GTF2I: variants seen among roughly 807,000 people sequenced by gnomAD.
The protein encoded by GTF2I is general transcription factor IIi, also known as general transcription factor II-I.
GTF2I carries 12 observed loss-of-function variants against 67.6 expected under a neutral mutation model. That is an observed-to-expected ratio of 0.18 (90% CI 0.11 to 0.29). The LOEUF (loss-of-function observed/expected upper bound fraction) is 0.29, where lower values mean the gene tolerates loss of function less well. Ranked by LOEUF, GTF2I falls within the 10% of genes least tolerant of loss-of-function variation. The pLI is 1.00. For synonymous variants in GTF2I, 149 were observed against 197.0 expected, an observed-to-expected ratio of 0.76 and a Z score of 2.04; for missense variants, 271 against 580.1, an observed-to-expected ratio of 0.47 and a Z score of 5.47.
intron 3 of GTF2I, among the ~76,000 whole-genome samples, chr7:74,698,594 C>A (rs1182927918): frequency 1.3e-5 from 2 of 151,708 alleles, no homozygotes; most frequent in African/African-American, 2.4e-5. Context: ...CATTTTTTTG[C>A]AGAGATGTGT....
At chr7:74,687,507 G>A (rs1787843106) in intron 1 of GTF2I, 10 of 969,746 alleles carry the variant, frequency 1.0e-5, no homozygotes, top group Middle Eastern at 5.2e-4. Flanking sequence ...ACAGGCGTGA[G>A]CCACCACGCC....
At chr7:74,723,310 G>A (rs1793292628) in intron 12 of GTF2I, among the ~76,000 whole-genome samples, 2 of 151,072 alleles carry the variant, frequency 1.3e-5, no homozygotes, top group South Asian at 4.2e-4. Flanking sequence ...TGTATTTTTA[G>A]TAGAGACGGG....
At chr7:74,703,562 T>C (rs1790131822) in intron 6 of GTF2I, among the ~76,000 whole-genome samples, 1 of 152,122 alleles carries the variant, frequency 6.6e-6, no homozygotes, top group South Asian at 2.1e-4. Flanking sequence ...GTATTTTTAG[T>C]GGATACGGGG....
intron 1 of GTF2I, among the ~76,000 whole-genome samples, chr7:74,667,124 C>CAT (rs1805051036): frequency 6.6e-6 from 1 of 152,046 alleles, no homozygotes. Flanking sequence ...CAGCCTGGGC[C>CAT]ATAGAACAAG....
rs1793067355 is a variant in GTF2I, at chr7:74,722,010, A to G, written c.943+3069A>G. On this transcript the variant is annotated intron_variant, in intron 12 of 34. Transcript: ENST00000573035. ...ATTCCTGCTTGCTTGGAGACGACTT[A>G]ATTTTCTCCTTTTATATCTTTTCAC... is the stretch of plus-strand genomic sequence containing the variant. Among the ~76,000 whole-genome samples, 4 of 152,142 alleles carry G rather than the reference A, an allele frequency of 2.6e-5. No homozygotes were observed. In the South Asian group the frequency reaches 8.3e-4, roughly 31 times the overall value.
intron 4 of GTF2I, 137 bp from the exon 5 acceptor site, chr7:74,700,110 C>T (rs1789531495): frequency 1.2e-6 from 1 of 856,248 alleles, no homozygotes; most frequent in East Asian, 2.7e-5. Context: ...AGATAGAATG[C>T]TGTAGTATTA....
chr7:74,732,455 C>G (rs1438365476), intron 14 of GTF2I, 24 bp from the exon 15 acceptor site: 3 of 1,473,932 alleles, frequency 2.0e-6, no homozygotes, highest in Non-Finnish European at 2.7e-6. Context: ...TAAATGATAT[C>G]TCTTTCTCTT....
intron 3 of GTF2I, 97 bp downstream of exon 3, chr7:74,691,208 CTTTT>C (rs368243097): frequency 2.2e-4 from 144 of 659,156 alleles, no homozygotes; most frequent in Middle Eastern, 1.4e-3. Flanking sequence ...TTCTTTCTTT[CTTTT>C]TTTTTTTTTT....
chr7:74,689,297 G>T, intron 2 of GTF2I, 70 bp downstream of exon 2: 4 of 641,654 alleles, frequency 6.2e-6, no homozygotes, highest in Non-Finnish European at 7.9e-6. Context: ...ATTTGTTTTT[G>T]TGGAAGATAG....
chr7:74,710,959 C>A, intron 8 of GTF2I, 73 bp from the exon 9 acceptor site: 1 of 694,856 alleles, frequency 1.4e-6, no homozygotes, highest in Non-Finnish European at 2.5e-6. Context: ...ATAGGGAGGG[C>A]AGAGAGGATT....
At chr7:74,678,238 T>A (rs1010744035) in intron 1 of GTF2I, among the ~76,000 whole-genome samples, 3 of 150,338 alleles carry the variant, frequency 2.0e-5, no homozygotes. Context: ...TTTTTTTTTT[T>A]AACTCAAGCC....
intron 1 of GTF2I, among the ~76,000 whole-genome samples, chr7:74,683,807 C>T (rs587648739): frequency 1.3e-5 from 2 of 152,192 alleles, no homozygotes; most frequent in South Asian, 2.1e-4. Flanking sequence ...GAGCCAGGAT[C>T]GTGCCACTGC....
At chr7:74,715,954 CAT>C (rs1792210932) in intron 10 of GTF2I, among the ~76,000 whole-genome samples, 1 of 152,080 alleles carries the variant, frequency 6.6e-6, no homozygotes, top group Non-Finnish European at 1.5e-5. Flanking sequence ...ACATTTATAA[CAT>C]ATCTTACTTT....
chr7:74,704,452 G>C (rs1790320094), intron 6 of GTF2I, among the ~76,000 whole-genome samples: 2 of 151,656 alleles, frequency 1.3e-5, no homozygotes, highest in South Asian at 4.2e-4. Context: ...CACCACACCT[G>C]GCTAATTTTT....
At chr7:74,684,882 CCGAGAT>C (rs1399752384) in intron 1 of GTF2I, 1 of 152,246 alleles carries the variant, frequency 6.6e-6, no homozygotes, top group African/African-American at 2.4e-5. Flanking sequence ...GCACCAAAAG[CCGAGAT>C]TTATTGAAAG....
intron 1 of GTF2I, among the ~76,000 whole-genome samples, chr7:74,679,992 T>A (rs1787072351): frequency 6.8e-6 from 1 of 146,268 alleles, no homozygotes; most frequent in African/African-American, 2.5e-5. Flanking sequence ...GGCAGGAGAA[T>A]CGCTTGAACC....
chr7:74,693,823 C>T (rs775081184), intron 3 of GTF2I, among the ~76,000 whole-genome samples: 28 of 151,362 alleles, frequency 1.8e-4, no homozygotes, highest in Non-Finnish European at 2.7e-4. Flanking sequence ...TCCAGCCTGG[C>T]GAAAGAGCAA....
At chr7:74,732,869 G>A (rs1260423523) in intron 15 of GTF2I, among the ~76,000 whole-genome samples, 5 of 149,178 alleles carry the variant, frequency 3.4e-5, no homozygotes, top group East Asian at 4.0e-4. Flanking sequence ...AACAGTGCCC[G>A]CACTGGATTG....
At chr7:74,698,389 CTTTTTT>C (rs67968753) in intron 3 of GTF2I, among the ~76,000 whole-genome samples, 2 of 55,888 alleles carry the variant, frequency 3.6e-5, no homozygotes, top group African/African-American at 8.7e-5. Flanking sequence ...CGCACCTGGC[CTTTTTT>C]TTTTTTTTTT....
Sources: allele counts gnomAD v4.1 joint callset (sites outside exome capture counted in the v4.1 genomes callset), GRCh38; gene constraint gnomAD v4.1.1; transcripts MANE v1.5; gene names NCBI Gene and HGNC (gene_info 2026-07-23, HGNC 2026-07-21).